Variants in CCDC88A observed in about 807,000 individuals in gnomAD.
CCDC88A encodes girdin.
A neutral mutation model predicts 234.3 loss-of-function variants in CCDC88A; 54 were observed. The ratio of observed to expected loss-of-function variants is 0.23; its 90% CI spans 0.19 to 0.29. CCDC88A has a LOEUF of 0.29. Among genes scored for constraint, CCDC88A ranks in the 10% least tolerant of loss-of-function variants. The probability of loss-of-function intolerance (pLI) is 1.00; values close to 1 mark genes in which losing one functional copy is unlikely to be tolerated. For synonymous variants in CCDC88A, 753 were observed against 737.8 expected (o/e 1.02, Z -0.33); for missense variants, 1,832 against 2,123.4 (o/e 0.86, Z 2.70).
At chr2:55,412,586 A>G (rs1300011562) in intron 2 of CCDC88A, among the ~76,000 whole-genome samples, 3 of 152,216 alleles carry the variant, frequency 2.0e-5, no homozygotes, top group Non-Finnish European at 4.4e-5. Flanking sequence ...ATGGCTGATG[A>G]TCTGAGGTAG....
At chr2:55,382,399 G>A (rs964295600) in intron 3 of CCDC88A, among the ~76,000 whole-genome samples, 1 of 152,052 alleles carries the variant, frequency 6.6e-6, no homozygotes, top group Non-Finnish European at 1.5e-5. Flanking sequence ...GCCTCAAATG[G>A]TTCAGAGCAT....
intron 8 of CCDC88A, 102 bp downstream of exon 8, chr2:55,355,477 A>G (rs1670448472): frequency 1.0e-6 from 1 of 993,940 alleles, no homozygotes; most frequent in African/African-American, 1.8e-5. Context: ...ACTTGTGAAA[A>G]CACTGACACA....
At chr2:55,413,078 C>G (rs563745593) in intron 2 of CCDC88A, among the ~76,000 whole-genome samples, 6 of 151,994 alleles carry the variant, frequency 3.9e-5, no homozygotes, top group Non-Finnish European at 8.8e-5. Context: ...TGCAGTAGCA[C>G]ATGCCTGCAG....
chr2:55,382,498 C>T (rs1415350217), intron 3 of CCDC88A, among the ~76,000 whole-genome samples: 1 of 152,134 alleles, frequency 6.6e-6, no homozygotes, highest in Admixed American at 6.6e-5. Context: ...CTGGCTATGA[C>T]AGGGTTCTAT....
At chr2:55,354,938 C>T (rs755025669) in intron 8 of CCDC88A, among the ~76,000 whole-genome samples, 2 of 149,724 alleles carry the variant, frequency 1.3e-5, no homozygotes, top group Non-Finnish European at 3.0e-5. Flanking sequence ...AACCAAGACA[C>T]GCACTAGCCT....
intron 31 of CCDC88A, chr2:55,294,428 A>C (rs1679784497): frequency 2.3e-6 from 2 of 887,914 alleles, no homozygotes; most frequent in Admixed American, 6.2e-5. Flanking sequence ...ACAATCTTTT[A>C]AATCTGAAAA....
chr2:55,359,311 A>C (rs186448366), intron 7 of CCDC88A, among the ~76,000 whole-genome samples: 1 of 152,226 alleles, frequency 6.6e-6, no homozygotes, highest in Admixed American at 6.5e-5. Flanking sequence ...GGTGAAATGG[A>C]GATATCTATC....
intron 19 of CCDC88A, among the ~76,000 whole-genome samples, chr2:55,318,204 G>C (rs1683203531): frequency 6.6e-6 from 1 of 152,116 alleles, no homozygotes; most frequent in South Asian, 2.1e-4. Context: ...GATAGAAGTT[G>C]ATAGAAGTGA....
Position 55,308,932 on chromosome 2 carries a change from G to C in CCDC88A, c.4264C>G (p.Pro1422Ala). 2 of 1,613,926 alleles carry C rather than the reference G, an allele frequency of 1.2e-6. No individual in the cohort carries two copies. Among genetic ancestry groups the C allele is most frequent in the Non-Finnish European group, 1.7e-6 (2 of 1,179,862 alleles). ...CCTTCACTGGAGTCTGAGCGGGTGGGTGTTAATGTTAGAGATTTCTGGCGT... is the reference window on the plus strand; with the variant it reads ...CCTTCACTGGAGTCTGAGCGGGTGGCTGTTAATGTTAGAGATTTCTGGCGT... ...RERQKSLTLTPTRSDSSEGFL... is the reference protein window; with the variant it reads ...RERQKSLTLTATRSDSSEGFL... The change falls in exon 25 of 33, where the codon CCC becomes GCC. Residue 1422 changes from proline to alanine, a missense_variant. This residue lies in a region of CCDC88A where 1,282 missense variants were observed against 1,543.6 expected (regional missense o/e 0.83). Transcript: ENST00000436346.
intron 10 of CCDC88A, 173 bp downstream of exon 10, chr2:55,346,002 G>A: frequency 2.1e-6 from 1 of 471,916 alleles, no homozygotes; most frequent in South Asian, 4.4e-5. Flanking sequence ...GATCCCTTTT[G>A]TAAAAGTCTA....
chr2:55,374,109 C>T lies in CCDC88A; in HGVS notation c.343+705G>A, dbSNP rs573949434. ...ACATATCAGACTGGGCGTGGTGGCTCATGCCTCTAATCCCAGCACTTTGGG... is the reference window on the plus strand; with the variant it reads ...ACATATCAGACTGGGCGTGGTGGCTTATGCCTCTAATCCCAGCACTTTGGG... On this transcript the variant is annotated intron_variant, in intron 4 of 32. Transcript: ENST00000436346. 2.0e-5 allele frequency among the ~76,000 whole-genome samples: 3 copies of T among 152,320 alleles called. No homozygotes were observed. The South Asian group carries it at 6.2e-4, about 32-fold the overall frequency.
intron 2 of CCDC88A, among the ~76,000 whole-genome samples, chr2:55,396,666 C>T (rs983375530): frequency 6.6e-6 from 1 of 151,924 alleles, no homozygotes; most frequent in African/African-American, 2.4e-5. Context: ...GTCTGGAGAT[C>T]GAGACCATCC....
At chr2:55,392,787 C>T (rs1349885) in intron 2 of CCDC88A, among the ~76,000 whole-genome samples, 46,242 of 152,030 alleles carry the variant, frequency 0.3, 7,453 homozygotes, top group East Asian at 0.54. Context: ...CATTTACTAA[C>T]GAGCTTACAT....
At chr2:55,320,231 T>C (rs935210874) in intron 18 of CCDC88A, among the ~76,000 whole-genome samples, 1 of 152,164 alleles carries the variant, frequency 6.6e-6, no homozygotes, top group African/African-American at 2.4e-5. Context: ...TTCACATATA[T>C]ATGTGAAATA....
intron 3 of CCDC88A, among the ~76,000 whole-genome samples, chr2:55,386,290 C>T (rs1276918891): frequency 6.6e-6 from 1 of 151,686 alleles, no homozygotes; most frequent in Non-Finnish European, 1.5e-5. Context: ...TAATTGTCAA[C>T]CTAAAACTGC....
intron 17 of CCDC88A, chr2:55,324,187 AATT>A (rs1683982921): frequency 1.3e-5 from 2 of 152,222 alleles, no homozygotes; most frequent in African/African-American, 4.8e-5. Flanking sequence ...AAATATTGTA[AATT>A]ATGTTATGAA....
chr2:55,318,742 G>T, intron 19 of CCDC88A, 101 bp downstream of exon 19: 1 of 926,370 alleles, frequency 1.1e-6, no homozygotes, highest in Non-Finnish European at 1.5e-6. Context: ...TTATCTTTAA[G>T]TTCATTCACT....
intron 10 of CCDC88A, among the ~76,000 whole-genome samples, chr2:55,344,849 A>T (rs1016248315): frequency 2.0e-5 from 3 of 152,198 alleles, no homozygotes; most frequent in African/African-American, 7.2e-5. Context: ...ATCAAGGCTT[A>T]ATGTATTGAC....
rs190139370 is a variant in CCDC88A, at chr2:55,288,872, G to T, written c.*2328C>A. The T allele has an allele frequency of 6.6e-6, 1 of 152,302 alleles. No homozygotes were observed. The highest frequency in any genetic ancestry group is 1.9e-4 in the East Asian group (1 of 5,188). 9.4% of individuals were successfully genotyped at this position (152,302 alleles called of 1,614,324 possible). On this transcript the variant is annotated 3_prime_UTR_variant, in exon 33 of 33. Coordinates refer to ENST00000436346, the MANE Select transcript of CCDC88A (RefSeq NM_001365480.1). ...ATTGTTTGGCAGAAGTTGTTTAGGG[G>T]AGAAGAGTGGCTTCCTACAAAGTTT...
Sources: gnomAD v4.1 joint callset for allele counts (sites outside exome capture counted in the v4.1 genomes callset) on GRCh38, gnomAD v4.1.1 for gene constraint, gnomAD v4.1.1 regional missense constraint, MANE v1.5 for transcripts, NCBI Gene and HGNC (gene_info 2026-07-23, HGNC 2026-07-21) for gene names.